Variants in PRSS57 observed in about 807,000 individuals in gnomAD.
The protein encoded by PRSS57 is serine protease 57.
Under a neutral mutation model 20.6 loss-of-function variants are expected in PRSS57, and 19 were observed. The ratio of observed to expected loss-of-function variants is 0.92; its 90% CI spans 0.64 to 1.35. PRSS57 has a LOEUF of 1.35. PRSS57 is among the 40% of genes most tolerant of loss of function. PRSS57 has a pLI of 0.00. For missense variants in PRSS57, 440 were observed against 403.7 expected (o/e 1.09, Z -0.77); for synonymous variants, 203 against 176.6 (o/e 1.15, Z -1.19).
At chr19:694,793 G>T (rs1395034535) in intron 2 of PRSS57, 21 bp downstream of exon 2, 1 of 1,598,732 alleles carries the variant, frequency 6.3e-7, no homozygotes, top group South Asian at 1.1e-5. Flanking sequence ...CAGAAAGAAG[G>T]GGCCCGACAG....
intron 3 of PRSS57, among the ~76,000 whole-genome samples, chr19:691,519 A>AG (rs1286490476): frequency 1.4e-5 from 2 of 147,468 alleles, no homozygotes. Flanking sequence ...AAAAAAAAAA[A>AG]GAAAAGAAAA....
chr19:687,272 C>CCA, intron 3 of PRSS57, 84 bp from the exon 4 acceptor site: 1 of 1,407,786 alleles, frequency 7.1e-7, no homozygotes, highest in Non-Finnish European at 9.3e-7. Context: ...ACCCCTGGTC[C>CCA]TGCCCTTGTG....
intron 3 of PRSS57, 107 bp from the exon 4 acceptor site, chr19:687,295 T>C: frequency 3.8e-6 from 5 of 1,309,716 alleles, no homozygotes; most frequent in Non-Finnish European, 5.1e-6. Flanking sequence ...GCAAAATCAA[T>C]GGCGGCCACC....
chr19:692,697 G>T (rs577118041), intron 2 of PRSS57, among the ~76,000 whole-genome samples: 1 of 151,622 alleles, frequency 6.6e-6, no homozygotes, highest in East Asian at 1.9e-4. Flanking sequence ...GATTACAGGC[G>T]TGAGCCACGG....
chr19:690,327 C>A, intron 3 of PRSS57: 1 of 147,442 alleles, frequency 6.8e-6, no homozygotes, highest in South Asian at 1.9e-4. Flanking sequence ...AAAAAATAGC[C>A]CAGGGCTGCT....
At chr19:694,669 C>T in intron 2 of PRSS57, 145 bp downstream of exon 2, 1 of 881,086 alleles carries the variant, frequency 1.1e-6, no homozygotes, top group Non-Finnish European at 1.7e-6. Flanking sequence ...CTCCTGTTTT[C>T]CCTTTGTTGC....
chr19:688,326 T>C (rs2031533377), intron 3 of PRSS57, among the ~76,000 whole-genome samples: 3 of 150,788 alleles, frequency 2.0e-5, no homozygotes, highest in African/African-American at 7.3e-5. Flanking sequence ...CTTTGGCTAC[T>C]GGCACTTGCT....
intron 2 of PRSS57, among the ~76,000 whole-genome samples, 177 bp downstream of exon 2, chr19:694,637 T>G (rs984105451): frequency 1.1e-5 from 1 of 94,612 alleles, no homozygotes; most frequent in African/African-American, 3.3e-5. Flanking sequence ...CTTCTGTGCT[T>G]CTTTTGCCTC....
chr19:694,235 C>T (rs540086109), intron 2 of PRSS57, among the ~76,000 whole-genome samples: 2 of 151,990 alleles, frequency 1.3e-5, no homozygotes, highest in Non-Finnish European at 2.9e-5. Context: ...CCCACCCACC[C>T]TGGCCCCAAT....
At chr19:690,219 G>C (rs1005618013) in intron 3 of PRSS57, 2 of 152,382 alleles carry the variant, frequency 1.3e-5, no homozygotes, top group African/African-American at 4.8e-5. Flanking sequence ...GCTGAGGCAG[G>C]AGAATCGCTT....
rs965311560 is a variant in PRSS57, at chr19:685,647, G to A, written c.*69C>T. 22 of 1,418,872 alleles carry A rather than the reference G, an allele frequency of 1.6e-5. No homozygotes were observed. In the Admixed American group the frequency reaches 2.0e-4, roughly 13 times the overall value. 87.9% of individuals were successfully genotyped at this position (1,418,872 alleles called of 1,614,324 possible). On this transcript the variant is annotated 3_prime_UTR_variant, in exon 5 of 5. Coordinates refer to ENST00000329267, the MANE Select transcript of PRSS57 (RefSeq NM_001308209.2). ...CCCAACCCTGAACATCAGGCTTCCC[G>A]TGGGGCCCAGCCACGGAACATTCCA... is the stretch of plus-strand genomic sequence containing the variant.
At chr19:691,384 A>G (rs1315650850) in intron 3 of PRSS57, among the ~76,000 whole-genome samples, 1 of 151,724 alleles carries the variant, frequency 6.6e-6, no homozygotes, top group Admixed American at 6.6e-5. Flanking sequence ...GAGTGCCTGT[A>G]ATCCCAGCTA....
intron 3 of PRSS57, 61 bp from the exon 4 acceptor site, chr19:687,249 G>A (rs2031508192): frequency 4.2e-6 from 6 of 1,434,050 alleles, no homozygotes; most frequent in Non-Finnish European, 5.5e-6. Flanking sequence ...TCCTGCCTCA[G>A]TTTATCCATG....
In PRSS57 at chr19:691,883, TG is replaced by T. The variant is rs765011123; in HGVS notation, c.352del (p.His118ThrfsTer10). On this transcript the variant is annotated frameshift_variant, in exon 3 of 5. Transcript: ENST00000329267. LOFTEE classifies it high-confidence loss of function. ...TTHPDYHPMT[H>X]ANDICLLRLN... Reference sequence around the variant, plus strand: ...CCGCAGCAGGCAGATGTCGTTGGCGTGGGTCATGGGGTGGTAGTCGGGGTGT... The same window carrying T: ...CCGCAGCAGGCAGATGTCGTTGGCGTGGTCATGGGGTGGTAGTCGGGGTGT... 7.5e-7 allele frequency: 1 copy of T among 1,335,110 alleles called. No individual in the cohort carries two copies. Among genetic ancestry groups the T allele is most frequent in the Non-Finnish European group, 9.7e-7 (1 of 1,033,346 alleles). The allele number at this position is 1,335,110 out of a possible 1,614,324, so 82.7% of individuals were successfully genotyped here.
At chr19:694,482 C>T (rs1036777921) in intron 2 of PRSS57, among the ~76,000 whole-genome samples, 4 of 150,200 alleles carry the variant, frequency 2.7e-5, no homozygotes, top group Non-Finnish European at 2.9e-5. Context: ...GCAGGAGAAT[C>T]GCTTGAGCCC....
At chr19:688,723 C>T (rs571608069) in intron 3 of PRSS57, among the ~76,000 whole-genome samples, 41 of 152,042 alleles carry the variant, frequency 2.7e-4, no homozygotes, top group African/African-American at 8.9e-4. Flanking sequence ...CTCAGCCTCC[C>T]GAGTAGCTGG....
At chr19:686,857 C>CAGACGTCCGGGT in intron 4 of PRSS57, 68 bp downstream of exon 4, 1 of 1,549,402 alleles carries the variant, frequency 6.5e-7, no homozygotes, top group Admixed American at 1.8e-5. Flanking sequence ...CCCTTCCTGG[C>CAGACGTCCGGGT]CCTGACCCTC....
rs1304491787 is a variant in PRSS57 at position 685,607 on chromosome 19, C to T, written c.*109G>A. The T allele has an allele frequency of 2.8e-5, 30 of 1,084,594 alleles. No individual in the cohort carries two copies. The East Asian group carries it at 4.7e-4, about 17-fold the overall frequency. 67.2% of individuals were successfully genotyped at this position (1,084,594 alleles called of 1,614,324 possible). ...TGCATGTGGAATGGGTGTGCCCCAC[C>T]GCTGCCCGTCCCACCCCAACCCTGA... is the stretch of plus-strand genomic sequence containing the variant. On this transcript the variant is annotated 3_prime_UTR_variant, in exon 5 of 5. Coordinates refer to ENST00000329267, the MANE Select transcript of PRSS57 (RefSeq NM_001308209.2).
rs1299184868 is a variant in PRSS57, at chr19:695,344, C to A, written c.79+8G>T. 1.6e-6 allele frequency: 2 copies of A among 1,252,292 alleles called. No individual in the cohort carries two copies. Among genetic ancestry groups the A allele is most frequent in the Admixed American group, 7.6e-5 (2 of 26,244 alleles). The allele number at this position is 1,252,292 out of a possible 1,614,324, so 77.6% of individuals were successfully genotyped here. A position where few individuals can be genotyped will look rare whatever the true frequency, so the allele number is the denominator to read the frequency against. ...GGGCCTGGGTGGGGATCCCGGGGGGCTCCTCACCGGGGGGCTTCACGGGCA... is the reference window on the plus strand; with the variant it reads ...GGGCCTGGGTGGGGATCCCGGGGGGATCCTCACCGGGGGGCTTCACGGGCA... On this transcript the variant is annotated splice_region_variant and intron_variant, in intron 1 of 4. Coordinates refer to ENST00000329267, the MANE Select transcript of PRSS57 (RefSeq NM_001308209.2).
Sources: allele counts gnomAD v4.1 joint callset (sites outside exome capture counted in the v4.1 genomes callset), GRCh38; gene constraint gnomAD v4.1.1; transcripts MANE v1.5; gene names NCBI Gene and HGNC (gene_info 2026-07-23, HGNC 2026-07-21).